The following VAT1L variants were observed in gnomAD, a reference collection of about 807,000 sequenced individuals.
VAT1L encodes the protein putative NADPH-dependent quinone oxidoreductase VAT1L.
VAT1L carries 34 observed loss-of-function variants against 44.1 expected under a neutral mutation model. The observed-to-expected ratio is 0.77, with a 90% CI of 0.59 to 1.03. VAT1L has a LOEUF of 1.03. Ranked by LOEUF, VAT1L falls within the 50% of genes least tolerant of loss-of-function variation. VAT1L has a pLI of 0.00. For missense variants in VAT1L, 615 were observed against 538.8 expected (o/e 1.14, Z -1.40); for synonymous variants, 253 against 202.2 (o/e 1.25, Z -2.13).
At chr16:77,926,381 C>T (rs376401249) in intron 7 of VAT1L, among the ~76,000 whole-genome samples, 5 of 151,944 alleles carry the variant, frequency 3.3e-5, no homozygotes, top group East Asian at 1.9e-4. Context: ...ACAGGTGTTT[C>T]GAAACCAGCC....
chr16:77,815,782 A>G (rs1010292615), intron 1 of VAT1L, among the ~76,000 whole-genome samples: 2 of 151,380 alleles, frequency 1.3e-5, no homozygotes, highest in African/African-American at 4.9e-5. Context: ...AGCCTGGCCA[A>G]CATGGCGAAA....
At chr16:77,977,464 C>T (rs1158324192) in intron 8 of VAT1L, 133 bp from the exon 9 acceptor site, 9 of 791,676 alleles carry the variant, frequency 1.1e-5, no homozygotes, top group African/African-American at 1.7e-5. Flanking sequence ...GCTAATCCTG[C>T]ATTGCCTTCC....
At chr16:77,955,719 T>TA (rs2018095384) in intron 7 of VAT1L, among the ~76,000 whole-genome samples, 1 of 73,554 alleles carries the variant, frequency 1.4e-5, no homozygotes, top group African/African-American at 5.9e-5. Flanking sequence ...AGGCTCCATA[T>TA]CCCCCCCCCC....
At chr16:77,830,575 A>G (rs1198900354) in intron 3 of VAT1L, among the ~76,000 whole-genome samples, 1 of 152,204 alleles carries the variant, frequency 6.6e-6, no homozygotes, top group Non-Finnish European at 1.5e-5. Context: ...GTTCACCTGC[A>G]CAAGCTCTCT....
At chr16:77,901,178 TTTTTTAAG>T (rs2017378659) in intron 7 of VAT1L, among the ~76,000 whole-genome samples, 1 of 89,640 alleles carries the variant, frequency 1.1e-5, no homozygotes, top group Admixed American at 1.3e-4. Flanking sequence ...TTTTTTTTTT[TTTTTTAAG>T]ACAGTCTTGC....
At chr16:77,927,852 G>A (rs1453752623) in intron 7 of VAT1L, among the ~76,000 whole-genome samples, 1 of 152,202 alleles carries the variant, frequency 6.6e-6, no homozygotes, top group Admixed American at 6.5e-5. Flanking sequence ...CTGGGTGACA[G>A]AGACTCCGTC....
chr16:77,897,519 G>A (rs899481055), intron 7 of VAT1L, among the ~76,000 whole-genome samples: 2 of 152,176 alleles, frequency 1.3e-5, no homozygotes, highest in South Asian at 2.1e-4. Flanking sequence ...CACCCAGGCT[G>A]GAGTGGAATG....
At chr16:77,852,884 A>G (rs2016821427) in intron 3 of VAT1L, among the ~76,000 whole-genome samples, 1 of 152,180 alleles carries the variant, frequency 6.6e-6, no homozygotes, top group South Asian at 2.1e-4. Flanking sequence ...CGGTTCTTCC[A>G]TCTGGGAAAT....
chr16:77,887,788 C>T (rs1019219227), intron 7 of VAT1L, among the ~76,000 whole-genome samples: 2 of 152,196 alleles, frequency 1.3e-5, no homozygotes, highest in African/African-American at 4.8e-5. Flanking sequence ...TTATTCTTAG[C>T]ACTGTCGTCT....
chr16:77,809,007 G>A (rs74029413), intron 1 of VAT1L, among the ~76,000 whole-genome samples: 1 of 152,176 alleles, frequency 6.6e-6, no homozygotes, highest in African/African-American at 2.4e-5. Context: ...CAATGTGCTA[G>A]TTGAGTGGAG....
At chr16:77,968,588 G>A (rs1013747328) in intron 7 of VAT1L, among the ~76,000 whole-genome samples, 4 of 151,992 alleles carry the variant, frequency 2.6e-5, no homozygotes, top group Non-Finnish European at 5.9e-5. Flanking sequence ...AGCCGGGCGT[G>A]GTGGCAGGCG....
rs1027519653 is a variant in VAT1L, at chr16:77,978,510, G to C, written c.*815G>C. Reference sequence around the variant, plus strand: ...TCAGAAGTCATTCCTGAGCATTGCTGGTGTTTGCACACTTGCCACCTGCAT... The same window carrying C: ...TCAGAAGTCATTCCTGAGCATTGCTCGTGTTTGCACACTTGCCACCTGCAT... On this transcript the variant is annotated 3_prime_UTR_variant, in exon 9 of 9. Transcript: ENST00000302536. 4 of 152,166 alleles carry C rather than the reference G, an allele frequency of 2.6e-5. No individual in the cohort carries two copies. The highest frequency in any genetic ancestry group is 9.7e-5 in the African/African-American group (4 of 41,434). 9.4% of individuals were successfully genotyped at this position (152,166 alleles called of 1,614,324 possible). A position where few individuals can be genotyped will look rare whatever the true frequency, so the allele number is the denominator to read the frequency against.
chr16:77,927,722 A>G (rs2017686093), intron 7 of VAT1L, among the ~76,000 whole-genome samples: 1 of 152,086 alleles, frequency 6.6e-6, no homozygotes, highest in Admixed American at 6.5e-5. Flanking sequence ...CTAAAAAATT[A>G]GCCGGGTGTG....
At chr16:77,966,326 G>T (rs1164928214) in intron 7 of VAT1L, among the ~76,000 whole-genome samples, 1 of 152,178 alleles carries the variant, frequency 6.6e-6, no homozygotes, top group African/African-American at 2.4e-5. Flanking sequence ...AGGGGTAAGT[G>T]CTTGGGCGAG....
intron 7 of VAT1L, among the ~76,000 whole-genome samples, chr16:77,958,908 C>T (rs1488500115): frequency 6.6e-6 from 1 of 152,176 alleles, no homozygotes; most frequent in Non-Finnish European, 1.5e-5. Flanking sequence ...CACTAGTTAT[C>T]CTGTTGCCAA....
intron 7 of VAT1L, among the ~76,000 whole-genome samples, chr16:77,891,369 A>G (rs2017264187): frequency 1.3e-5 from 2 of 152,100 alleles, no homozygotes; most frequent in African/African-American, 2.4e-5. Context: ...ACAAACAAAC[A>G]AAAAAATTCA....
chr16:77,876,025 C>T (rs1250281664), intron 4 of VAT1L, among the ~76,000 whole-genome samples: 1 of 152,190 alleles, frequency 6.6e-6, no homozygotes, highest in South Asian at 2.1e-4. Context: ...AAGAAACATA[C>T]TAGCTCCACT....
chr16:77,875,097 G>A (rs1027692911), intron 4 of VAT1L, among the ~76,000 whole-genome samples: 3 of 152,190 alleles, frequency 2.0e-5, no homozygotes, highest in South Asian at 2.1e-4. Flanking sequence ...GAACTTTCAG[G>A]TGAGACTTAA....
rs1451602268 is a variant in VAT1L, at chr16:77,902,731, G to GT, written c.1077+17930dup. Among the ~76,000 whole-genome samples, 157 of 86,474 alleles carry GT rather than the reference G, an allele frequency of 1.8e-3. 4 individuals are homozygous for GT. The highest frequency in any genetic ancestry group is 3.4e-3 in the Admixed American group (29 of 8,550). 56.7% of individuals were successfully genotyped at this position (86,474 alleles called of 152,430 possible). On this transcript the variant is annotated intron_variant, in intron 7 of 8. Coordinates refer to ENST00000302536, the MANE Select transcript of VAT1L (RefSeq NM_020927.3). ...AGCACTTTGGGAGGCCGATGGGGGG[G>GT]TGGGGGGGGTGTGGATCACCTGAGG...
Sources: gnomAD v4.1 joint callset for allele counts (sites outside exome capture counted in the v4.1 genomes callset) on GRCh38, gnomAD v4.1.1 for gene constraint, MANE v1.5 for transcripts, NCBI Gene and HGNC (gene_info 2026-07-23, HGNC 2026-07-21) for gene names.